The following CHSY1 variants were observed in gnomAD, a reference collection of about 807,000 sequenced individuals.
CHSY1 encodes N-acetylgalactosaminyl-proteoglycan 3-beta-glucuronosyltransferase 1.
In CHSY1, 13 loss-of-function variants were observed where a neutral mutation model predicts 59.8. The observed-to-expected ratio is 0.22, with a 90% confidence interval of 0.14 to 0.35. The LOEUF is 0.35. Among genes scored for constraint, CHSY1 ranks in the 10% least tolerant of loss-of-function variants. The probability of loss-of-function intolerance (pLI) is 1.00; values close to 1 mark genes in which losing one functional copy is unlikely to be tolerated. For synonymous variants in CHSY1, 459 were observed against 401.2 expected, an observed-to-expected ratio of 1.14 and a Z score of -1.72; for missense variants, 947 against 1,030.6, an observed-to-expected ratio of 0.92 and a Z score of 1.11.
chr15:101,189,759 A>T (rs1468431021), intron 2 of CHSY1, among the ~76,000 whole-genome samples: 2 of 152,280 alleles, frequency 1.3e-5, no homozygotes, highest in Non-Finnish European at 2.9e-5. Flanking sequence ...GTTAACGTAT[A>T]GCATTTAATG....
chr15:101,186,147 C>CAAAA (rs35398576), intron 2 of CHSY1, among the ~76,000 whole-genome samples: 3 of 79,582 alleles, frequency 3.8e-5, no homozygotes, highest in Non-Finnish European at 7.5e-5. Context: ...TTGTCTCTAC[C>CAAAA]AAAAAAAAAA....
intron 1 of CHSY1, among the ~76,000 whole-genome samples, chr15:101,247,090 C>T (rs2141282872): frequency 6.6e-6 from 1 of 152,358 alleles, no homozygotes; most frequent in East Asian, 1.9e-4. Context: ...CTACCCACCT[C>T]CTTTTCCTGC....
intron 2 of CHSY1, among the ~76,000 whole-genome samples, chr15:101,233,571 C>G (rs72768577): frequency 0.1 from 15,883 of 152,220 alleles, 1,054 homozygotes; most frequent in Middle Eastern, 0.18. Flanking sequence ...AAACAGCTTT[C>G]CTCGCTGCAA....
At chr15:101,190,908 G>A (rs922720485) in intron 2 of CHSY1, among the ~76,000 whole-genome samples, 1 of 152,190 alleles carries the variant, frequency 6.6e-6, no homozygotes, top group African/African-American at 2.4e-5. Context: ...GAAGGGCCGA[G>A]AGGAGCGACG....
At chr15:101,231,152 T>C (rs2038889014) in intron 2 of CHSY1, among the ~76,000 whole-genome samples, 1 of 152,054 alleles carries the variant, frequency 6.6e-6, no homozygotes, top group Non-Finnish European at 1.5e-5. Flanking sequence ...TCAGCGTGAG[T>C]GAATTGAGTC....
At chr15:101,238,091 T>C (rs2038965348) in intron 1 of CHSY1, among the ~76,000 whole-genome samples, 1 of 152,212 alleles carries the variant, frequency 6.6e-6, no homozygotes. Context: ...CACTTTTTAT[T>C]CTATGCATCT....
At chr15:101,205,855 G>A (rs1179308232) in intron 2 of CHSY1, among the ~76,000 whole-genome samples, 1 of 152,148 alleles carries the variant, frequency 6.6e-6, no homozygotes, top group East Asian at 1.9e-4. Context: ...GGGGGGCTGA[G>A]GCAGGAGAAT....
chr15:101,227,132 C>T (rs934980519), intron 2 of CHSY1, among the ~76,000 whole-genome samples: 2 of 152,144 alleles, frequency 1.3e-5, no homozygotes, highest in Non-Finnish European at 2.9e-5. Flanking sequence ...AGCTTGGTGG[C>T]ATTTTAATTT....
At chr15:101,212,941 A>G (rs1450130145) in intron 2 of CHSY1, among the ~76,000 whole-genome samples, 1 of 152,246 alleles carries the variant, frequency 6.6e-6, no homozygotes, top group Non-Finnish European at 1.5e-5. Context: ...TGGTAAGTAT[A>G]TAAATACTGA....
chr15:101,180,798 C>T (rs915569077), intron 2 of CHSY1, among the ~76,000 whole-genome samples: 1 of 152,188 alleles, frequency 6.6e-6, no homozygotes, highest in East Asian at 1.9e-4. Context: ...ACCACGTTAA[C>T]TTATCTCTCT....
At chr15:101,217,731 T>C (rs1382009138) in intron 2 of CHSY1, among the ~76,000 whole-genome samples, 1 of 152,176 alleles carries the variant, frequency 6.6e-6, no homozygotes, top group Non-Finnish European at 1.5e-5. Context: ...GGGGCCATAT[T>C]GACATAACTG....
intron 2 of CHSY1, among the ~76,000 whole-genome samples, chr15:101,191,867 T>A (rs1015376753): frequency 2.0e-5 from 3 of 152,152 alleles, no homozygotes; most frequent in Non-Finnish European, 4.4e-5. Flanking sequence ...ATTCATTCAT[T>A]TTCCTTCCTT....
At position 101,177,776 on chromosome 15, in the gene CHSY1, G is replaced by T; in HGVS notation, c.2021C>A (p.Pro674His). 4 of 1,614,164 alleles carry T rather than the reference G, an allele frequency of 2.5e-6. No homozygotes were observed. Among genetic ancestry groups the T allele is most frequent in the Non-Finnish European group, 3.4e-6 (4 of 1,180,032 alleles). Residue 674 changes from proline to histidine, a missense_variant, in exon 3 of 3, where the codon CCC becomes CAC. Coordinates refer to ENST00000254190, the MANE Select transcript of CHSY1 (RefSeq NM_014918.5). ...DPKIVYSGKV[P>H]SDNHFAFTQK... ...AGTAAAGGCAAAATGGTTGTCACTGGGAACTTTCCCACTATAAACAATCTT... is the reference window on the plus strand; with the variant it reads ...AGTAAAGGCAAAATGGTTGTCACTGTGAACTTTCCCACTATAAACAATCTT...
intron 2 of CHSY1, among the ~76,000 whole-genome samples, chr15:101,221,407 C>G (rs1453357208): frequency 6.6e-6 from 1 of 152,152 alleles, no homozygotes; most frequent in Non-Finnish European, 1.5e-5. Context: ...GCACAAGAAT[C>G]TCTTGAACCC....
intron 2 of CHSY1, among the ~76,000 whole-genome samples, chr15:101,206,441 C>T (rs2038627572): frequency 6.6e-6 from 1 of 152,082 alleles, no homozygotes; most frequent in African/African-American, 2.4e-5. Flanking sequence ...GCAGCTCCCA[C>T]TGTGGGGTTA....
At chr15:101,217,548 C>T (rs1463703160) in intron 2 of CHSY1, among the ~76,000 whole-genome samples, 6 of 151,950 alleles carry the variant, frequency 3.9e-5, no homozygotes, top group Admixed American at 6.6e-5. Flanking sequence ...AGGAAATACA[C>T]GAGATGAGCC....
intron 2 of CHSY1, among the ~76,000 whole-genome samples, chr15:101,179,508 G>A (rs1055695030): frequency 6.6e-6 from 1 of 152,182 alleles, no homozygotes; most frequent in Non-Finnish European, 1.5e-5. Flanking sequence ...GGCAGGAGGC[G>A]GCCTGGCCCT....
chr15:101,250,573 T>C (rs1220860819), intron 1 of CHSY1, among the ~76,000 whole-genome samples: 5 of 152,178 alleles, frequency 3.3e-5, no homozygotes, highest in Non-Finnish European at 7.3e-5. Context: ...TTCCCCAAGG[T>C]TCTCTCTCTC....
chr15:101,227,167 C>T (rs1187605424), intron 2 of CHSY1, among the ~76,000 whole-genome samples: 3 of 152,156 alleles, frequency 2.0e-5, no homozygotes, highest in African/African-American at 7.2e-5. Flanking sequence ...CTGTTTTCTA[C>T]CCTAGCCTTG....
Sources: allele counts gnomAD v4.1 joint callset (sites outside exome capture counted in the v4.1 genomes callset), GRCh38; gene constraint gnomAD v4.1.1; transcripts MANE v1.5; gene names NCBI Gene and HGNC (gene_info 2026-07-23, HGNC 2026-07-21).